DPYD: variants seen among roughly 807,000 people sequenced by gnomAD.
The protein encoded by DPYD is dihydropyrimidine dehydrogenase [NADP(+)].
Under a neutral mutation model 116.2 loss-of-function variants are expected in DPYD, and 109 were observed. That is an observed-to-expected ratio of 0.94 (90% CI 0.80 to 1.10). The LOEUF (loss-of-function observed/expected upper bound fraction) is 1.10, where lower values mean the gene tolerates loss of function less well. DPYD is among the 50% of genes least tolerant of loss of function. The pLI, the probability that DPYD is intolerant of heterozygous loss-of-function variation, is 0.00. For synonymous variants in DPYD, 440 were observed against 432.0 expected (o/e 1.02, Z -0.23); for missense variants, 1,302 against 1,254.5 (o/e 1.04, Z -0.57).
intron 16 of DPYD, among the ~76,000 whole-genome samples, chr1:97,343,186 A>C (rs1035066202): frequency 6.6e-6 from 1 of 152,142 alleles, no homozygotes; most frequent in African/African-American, 2.4e-5. Context: ...CAGATCAGTT[A>C]GAACTGTGGC....
intron 15 of DPYD, among the ~76,000 whole-genome samples, chr1:97,374,718 GAAAAAAA>G (rs144889184): frequency 1.7e-4 from 9 of 52,610 alleles, no homozygotes; most frequent in African/African-American, 9.2e-4. Context: ...CTCCGTCTCA[GAAAAAAA>G]AAAAAAAAAA....
chr1:97,291,600 C>T (rs1666177774), intron 18 of DPYD, among the ~76,000 whole-genome samples: 1 of 151,694 alleles, frequency 6.6e-6, no homozygotes, highest in African/African-American at 2.4e-5. Context: ...AAAAACCAAA[C>T]ACCGCATTTT....
chr1:97,143,779 A>C (rs1283902502), intron 20 of DPYD, among the ~76,000 whole-genome samples: 2 of 152,164 alleles, frequency 1.3e-5, no homozygotes, highest in African/African-American at 4.8e-5. Context: ...CATTTTGAAA[A>C]TGGATTTTAC....
chr1:97,512,594 A>C (rs1647886949), intron 13 of DPYD, among the ~76,000 whole-genome samples: 1 of 151,928 alleles, frequency 6.6e-6, no homozygotes, highest in Admixed American at 6.6e-5. Flanking sequence ...TGAAAACAAA[A>C]TGTTTTTATC....
At chr1:97,440,617 C>G (rs2101759089) in intron 14 of DPYD, among the ~76,000 whole-genome samples, 1 of 152,226 alleles carries the variant, frequency 6.6e-6, no homozygotes, top group South Asian at 2.1e-4. Flanking sequence ...TGTTAGAACC[C>G]TAGAGCAGTA....
chr1:97,200,925 T>C (rs936442513), intron 19 of DPYD, among the ~76,000 whole-genome samples: 1 of 152,148 alleles, frequency 6.6e-6, no homozygotes, highest in African/African-American at 2.4e-5. Flanking sequence ...GAGAAGGTGC[T>C]ATGAATTGTT....
chr1:97,366,424 C>T (rs1033869578), intron 16 of DPYD, among the ~76,000 whole-genome samples: 3 of 152,062 alleles, frequency 2.0e-5, no homozygotes, highest in African/African-American at 7.2e-5. Flanking sequence ...TTTGCAGAAG[C>T]TTATACCACA....
intron 20 of DPYD, among the ~76,000 whole-genome samples, chr1:97,103,159 G>T (rs1262537993): frequency 6.6e-6 from 1 of 152,016 alleles, no homozygotes; most frequent in Admixed American, 6.6e-5. Flanking sequence ...ATGATTCAAG[G>T]TAGCACAGGA....
chr1:97,845,679 TC>T (rs1670260823), intron 2 of DPYD, among the ~76,000 whole-genome samples: 2 of 152,062 alleles, frequency 1.3e-5, no homozygotes, highest in African/African-American at 4.8e-5. Context: ...TGAAACAGAA[TC>T]CTCCTACTGC....
At chr1:97,667,760 T>A (rs1659642481) in intron 8 of DPYD, among the ~76,000 whole-genome samples, 10 of 152,158 alleles carry the variant, frequency 6.6e-5, no homozygotes, top group Admixed American at 6.5e-4. Flanking sequence ...AATATCTGTA[T>A]AACCTATGTT....
chr1:97,828,002 C>A (rs114953459), intron 3 of DPYD, 112 bp downstream of exon 3: 447 of 1,044,684 alleles, frequency 4.3e-4, no homozygotes, highest in Non-Finnish European at 6.0e-4. Flanking sequence ...CAAATTAATA[C>A]CTTAGAGAAC....
chr1:97,235,937 T>C (rs1234533559), intron 18 of DPYD, among the ~76,000 whole-genome samples: 1 of 152,192 alleles, frequency 6.6e-6, no homozygotes, highest in Non-Finnish European at 1.5e-5. Flanking sequence ...ATTTAATTTT[T>C]TAATATTTAA....
intron 11 of DPYD, among the ~76,000 whole-genome samples, chr1:97,570,033 A>G (rs934463774): frequency 1.4e-4 from 22 of 152,004 alleles, no homozygotes; most frequent in Non-Finnish European, 4.4e-5. Flanking sequence ...TATCTTTTCT[A>G]TAAGCTGTTG....
intron 10 of DPYD, among the ~76,000 whole-genome samples, chr1:97,583,444 C>T (rs756751748): frequency 7.9e-5 from 12 of 152,016 alleles, no homozygotes; most frequent in Non-Finnish European, 1.5e-4. Context: ...TGGATTCAAG[C>T]CTCCCTGGCA....
At chr1:97,377,624 G>A (rs1288297808) in intron 15 of DPYD, among the ~76,000 whole-genome samples, 3 of 152,190 alleles carry the variant, frequency 2.0e-5, no homozygotes, top group Non-Finnish European at 4.4e-5. Context: ...AACTAAGGTG[G>A]CAAAACCACA....
At chr1:97,100,410 A>G (rs1297354545) in intron 20 of DPYD, among the ~76,000 whole-genome samples, 1 of 152,060 alleles carries the variant, frequency 6.6e-6, no homozygotes, top group African/African-American at 2.4e-5. Flanking sequence ...TGCTTCTCTT[A>G]TACCTCAGGG....
chr1:97,199,753 C>T (rs1659077347), intron 19 of DPYD, among the ~76,000 whole-genome samples: 1 of 152,100 alleles, frequency 6.6e-6, no homozygotes, highest in African/African-American at 2.4e-5. Context: ...CTTCTCCCTC[C>T]TTTACATCTG....
intron 20 of DPYD, among the ~76,000 whole-genome samples, chr1:97,110,577 C>G (rs1017366533): frequency 1.3e-5 from 2 of 152,110 alleles, no homozygotes; most frequent in Non-Finnish European, 2.9e-5. Flanking sequence ...ATATGCTAAG[C>G]ATAACAAAAC....
chr1:97,098,755 G>T, intron 20 of DPYD, 123 bp from the exon 21 acceptor site: 2 of 1,132,630 alleles, frequency 1.8e-6, no homozygotes, highest in Non-Finnish European at 2.6e-6. Context: ...CATGTATACT[G>T]TAACTAGGTC....
Sources: allele counts gnomAD v4.1 joint callset (sites outside exome capture counted in the v4.1 genomes callset), GRCh38; gene constraint gnomAD v4.1.1; transcripts MANE v1.5; gene names NCBI Gene and HGNC (gene_info 2026-07-23, HGNC 2026-07-21).